The following EBF1 variants were observed in gnomAD, a reference collection of about 807,000 sequenced individuals.
EBF1 encodes the protein EBF transcription factor 1, also known as transcription factor COE1.
Under a neutral mutation model 68.4 loss-of-function variants are expected in EBF1, and 10 were observed. The observed-to-expected ratio is 0.15, with a 90% CI of 0.09 to 0.25. The LOEUF is 0.25. Among genes scored for constraint, EBF1 ranks in the 10% least tolerant of loss-of-function variants. EBF1 has a pLI of 1.00. For missense variants in EBF1, 509 were observed against 794.4 expected (o/e 0.64, Z 4.32); for synonymous variants, 298 against 299.8 (o/e 0.99, Z 0.06).
intron 6 of EBF1, among the ~76,000 whole-genome samples, chr5:159,004,863 C>G (rs1009458852): frequency 7.9e-5 from 12 of 152,174 alleles, no homozygotes; most frequent in Admixed American, 2.6e-4. Context: ...TCATGGGAAA[C>G]TCTTCCTGTA....
intron 10 of EBF1, among the ~76,000 whole-genome samples, chr5:158,770,373 C>A (rs1029129015): frequency 2.0e-5 from 3 of 152,150 alleles, no homozygotes; most frequent in South Asian, 2.1e-4. Context: ...TCCTAAGAGG[C>A]CTTCCAAGAT....
At chr5:158,930,264 T>G (rs10454974) in intron 6 of EBF1, among the ~76,000 whole-genome samples, 78,275 of 148,288 alleles carry the variant, frequency 0.53, 21,211 homozygotes, top group South Asian at 0.73. Flanking sequence ...TTTTTTGTTT[T>G]TTTTTTTGTT....
At chr5:158,750,152 A>C (rs1768483787) in intron 10 of EBF1, among the ~76,000 whole-genome samples, 1 of 152,132 alleles carries the variant, frequency 6.6e-6, no homozygotes, top group South Asian at 2.1e-4. Context: ...GAGAAACTGA[A>C]ATCAATTCTG....
chr5:159,093,896 G>A (rs1040611274), intron 4 of EBF1, among the ~76,000 whole-genome samples: 22 of 151,564 alleles, frequency 1.5e-4, no homozygotes, highest in African/African-American at 4.8e-4. Context: ...CAGGCCTTAT[G>A]TACTGATTTG....
chr5:159,094,052 G>A (rs1398180825), intron 4 of EBF1, among the ~76,000 whole-genome samples: 1 of 143,094 alleles, frequency 7.0e-6, no homozygotes, highest in Admixed American at 7.0e-5. Flanking sequence ...GGATATCCAG[G>A]GTATCAAAGG....
rs140313553 is a variant in EBF1, at chr5:158,750,304, C to T, written c.1037-19147G>A. Among the ~76,000 whole-genome samples the T allele has an allele frequency of 2.6e-4, 39 of 152,154 alleles. 1 individual carries two copies. In the East Asian group the frequency reaches 7.1e-3, roughly 28 times the overall value. On this transcript the variant is annotated intron_variant, in intron 10 of 15. Coordinates refer to ENST00000313708, the MANE Select transcript of EBF1 (RefSeq NM_024007.5). ...TGGGGTTTACTTGTGGTCCTCTGTC[C>T]GACATCCATTAGACAGGGTCCCTGT...
rs55650287 is a variant in EBF1 at position 158,866,859 on chromosome 5, A to ATG, written c.555-26750_555-26749insCA. On this transcript the variant is annotated intron_variant, in intron 6 of 15. Transcript: ENST00000313708. ...TATATATATATATATATATATATAT[A>ATG]TATATATATATATATATATATATAT... Among the ~76,000 whole-genome samples, 169 of 24,936 alleles carry ATG rather than the reference A, an allele frequency of 6.8e-3. 3 individuals carry two copies. Among genetic ancestry groups the ATG allele is most frequent in the South Asian group, 0.013 (5 of 372 alleles). 16.4% of individuals were successfully genotyped at this position (24,936 alleles called of 152,430 possible). A position where few individuals can be genotyped will look rare whatever the true frequency, so the allele number is the denominator to read the frequency against.
intron 6 of EBF1, among the ~76,000 whole-genome samples, chr5:158,848,830 T>G (rs1015069790): frequency 3.3e-5 from 5 of 152,212 alleles, no homozygotes; most frequent in African/African-American, 1.2e-4. Context: ...GATATTAACT[T>G]CCCCTGTGGA....
chr5:158,888,982 C>T (rs1330528790), intron 6 of EBF1, among the ~76,000 whole-genome samples: 1 of 152,188 alleles, frequency 6.6e-6, no homozygotes. Context: ...CTCTTCCTTT[C>T]CTGCTCCCAT....
At chr5:158,844,526 C>T (rs1347034020) in intron 6 of EBF1, among the ~76,000 whole-genome samples, 2 of 152,182 alleles carry the variant, frequency 1.3e-5, no homozygotes, top group African/African-American at 4.8e-5. Flanking sequence ...TCTTAATCAT[C>T]ACTTAGTCTA....
At chr5:158,911,136 C>T (rs991908448) in intron 6 of EBF1, among the ~76,000 whole-genome samples, 4 of 152,188 alleles carry the variant, frequency 2.6e-5, no homozygotes, top group Non-Finnish European at 5.9e-5. Flanking sequence ...TAGAAAACTT[C>T]CCTCAACGAG....
intron 6 of EBF1, among the ~76,000 whole-genome samples, chr5:158,980,268 G>A (rs1757637946): frequency 6.6e-6 from 1 of 152,218 alleles, no homozygotes; most frequent in Non-Finnish European, 1.5e-5. Flanking sequence ...CTTGCCTTTT[G>A]TTCTTTGGAG....
chr5:158,872,430 C>T lies in EBF1; in HGVS notation c.555-32320G>A, dbSNP rs142192117. Among the ~76,000 whole-genome samples, 11 of 152,178 alleles carry T rather than the reference C, an allele frequency of 7.2e-5. No individual in the cohort carries two copies. The South Asian group carries it at 1.7e-3, about 23-fold the overall frequency. On this transcript the variant is annotated intron_variant, in intron 6 of 15. Coordinates refer to ENST00000313708, the MANE Select transcript of EBF1 (RefSeq NM_024007.5). ...CAGGCTGGTCTCGAACTCCTGACCCCGCGAACTGATCCACCAGCCTTGGCA... is the reference window on the plus strand; with the variant it reads ...CAGGCTGGTCTCGAACTCCTGACCCTGCGAACTGATCCACCAGCCTTGGCA...
At chr5:158,704,830 C>A (rs1346352024) in intron 15 of EBF1, among the ~76,000 whole-genome samples, 2 of 152,158 alleles carry the variant, frequency 1.3e-5, no homozygotes, top group Admixed American at 6.5e-5. Flanking sequence ...GTGGGCCCCA[C>A]CTGCCAGCAC....
chr5:158,746,501 C>T (rs17712592), intron 10 of EBF1, among the ~76,000 whole-genome samples: 35,453 of 152,060 alleles, frequency 0.23, 4,355 homozygotes, highest in Admixed American at 0.27. Context: ...TGCCATCTAG[C>T]GTTACCAGAA....
At chr5:159,004,938 T>C (rs1763262726) in intron 6 of EBF1, among the ~76,000 whole-genome samples, 1 of 152,172 alleles carries the variant, frequency 6.6e-6, no homozygotes, top group African/African-American at 2.4e-5. Context: ...TCCCAGCATG[T>C]CACGGAATAA....
intron 15 of EBF1, among the ~76,000 whole-genome samples, chr5:158,704,723 G>A (rs1054887651): frequency 2.6e-5 from 4 of 151,866 alleles, no homozygotes; most frequent in African/African-American, 9.7e-5. Context: ...TGTGGCTCAA[G>A]CAAGAGTGCC....
At chr5:158,752,936 T>G (rs1280461609) in intron 10 of EBF1, among the ~76,000 whole-genome samples, 1 of 152,086 alleles carries the variant, frequency 6.6e-6, no homozygotes, top group Non-Finnish European at 1.5e-5. Flanking sequence ...TTCAATTTCC[T>G]ACAAATTGCA....
rs117102419 is a variant in EBF1 at position 158,906,695 on chromosome 5, T to C, written c.555-66585A>G. Among the ~76,000 whole-genome samples the C allele has an allele frequency of 3.7e-4, 56 of 152,352 alleles. No homozygotes were observed. The East Asian group carries it at 0.01, about 28-fold the overall frequency. ...AAAGATGACAGAGATATTGAGTAAC[T>C]TGCCCAACCTCACAGAGCCAGGAAG... On this transcript the variant is annotated intron_variant, in intron 6 of 15. Coordinates refer to ENST00000313708, the MANE Select transcript of EBF1 (RefSeq NM_024007.5).
Sources: gnomAD v4.1 joint callset for allele counts (sites outside exome capture counted in the v4.1 genomes callset) on GRCh38, gnomAD v4.1.1 for gene constraint, MANE v1.5 for transcripts, NCBI Gene and HGNC (gene_info 2026-07-23, HGNC 2026-07-21) for gene names.